The following OR52E5 variants were observed in gnomAD, a reference collection of about 807,000 sequenced individuals.
The protein encoded by OR52E5 is olfactory receptor family 52 subfamily E member 5, also known as olfactory receptor 52E5.
chr11:5,893,562 A>C (rs555535781), intron 1 of OR52E5, among the ~76,000 whole-genome samples: 1 of 148,724 alleles, frequency 6.7e-6, no homozygotes, highest in East Asian at 2.0e-4. Flanking sequence ...TTTTAAAATT[A>C]AAAAAAAAAG....
chr11:5,893,807 A>AC (rs1847136917), intron 1 of OR52E5, among the ~76,000 whole-genome samples: 1 of 151,352 alleles, frequency 6.6e-6, no homozygotes, highest in African/African-American at 2.4e-5. Context: ...ATAGAAATAC[A>AC]AAAAAAATAA....
chr11:5,895,278 TG>T (rs1847158547), intron 1 of OR52E5, among the ~76,000 whole-genome samples: 1 of 152,178 alleles, frequency 6.6e-6, no homozygotes, highest in Non-Finnish European at 1.5e-5. Flanking sequence ...TGTCTTAAGG[TG>T]AAAAATAATA....
At chr11:5,894,126 A>T (rs542583154) in intron 1 of OR52E5, among the ~76,000 whole-genome samples, 8 of 152,292 alleles carry the variant, frequency 5.3e-5, no homozygotes, top group East Asian at 1.9e-4. Flanking sequence ...TCCTGGCATT[A>T]AAAAAATCAT....
Position 5,900,993 on chromosome 11 carries a change from C to A in OR52E5, c.217C>A (p.Leu73Met). The A allele has an allele frequency of 2.5e-6, 1 of 402,062 alleles. No individual in the cohort carries two copies. The highest frequency in any genetic ancestry group is 1.3e-4 in the South Asian group (1 of 7,948). 24.9% of individuals were successfully genotyped at this position (402,062 alleles called of 1,614,324 possible). A position where few individuals can be genotyped will look rare whatever the true frequency, so the allele number is the denominator to read the frequency against. ...CCTAGCCATGTTGGCCGGCACTGAT[C>A]TGGGCTTGTCTACAGCAACCATCCC... is the stretch of plus-strand genomic sequence containing the variant. ...YFLAMLAGTD[L>M]GLSTATIPKM... is the part of the protein sequence containing the mutation. The change falls in exon 3 of 3, where the codon CTG (leucine) becomes ATG (methionine). Residue 73 changes from leucine to methionine, a missense_variant. Coordinates refer to ENST00000610445, the MANE Select transcript of OR52E5 (RefSeq NM_001005166.5).
chr11:5,897,056 A>C (rs936887914), intron 2 of OR52E5, among the ~76,000 whole-genome samples: 1 of 152,234 alleles, frequency 6.6e-6, no homozygotes, highest in Non-Finnish European at 1.5e-5. Flanking sequence ...ATAGATGTAA[A>C]TAGAAAGATA....
rs1847258490 is a variant in OR52E5 at position 5,901,767 on chromosome 11, C to A, written c.*7C>A. 2.5e-6 allele frequency: 1 copy of A among 400,378 alleles called. No individual in the cohort carries two copies. Among genetic ancestry groups the A allele is most frequent in the Middle Eastern group, 3.4e-4 (1 of 2,934 alleles). The allele number at this position is 400,378 out of a possible 1,614,324, so 24.8% of individuals were successfully genotyped here. A position where few individuals can be genotyped will look rare whatever the true frequency, so the allele number is the denominator to read the frequency against. The stretch of plus-strand genomic sequence containing the variant: ...CAATTCAGTTAGACAATAATGAGAT[C>A]ATAACAAAATAAACACTGGAAACAT... On this transcript the variant is annotated 3_prime_UTR_variant, in exon 3 of 3. Coordinates refer to ENST00000610445, the MANE Select transcript of OR52E5 (RefSeq NM_001005166.5).
At chr11:5,894,479 G>C (rs1396283911) in intron 1 of OR52E5, among the ~76,000 whole-genome samples, 1 of 152,100 alleles carries the variant, frequency 6.6e-6, no homozygotes, top group Non-Finnish European at 1.5e-5. Context: ...GATTGAGGCA[G>C]GCTATGTAGA....
At chr11:5,899,469 A>G (rs568536676) in intron 2 of OR52E5, among the ~76,000 whole-genome samples, 1 of 152,338 alleles carries the variant, frequency 6.6e-6, no homozygotes, top group Admixed American at 6.5e-5. Flanking sequence ...ATACCACTAT[A>G]CTTCCAAAGC....
At chr11:5,895,498 CAAACA>C (rs1372731940) in intron 1 of OR52E5, 129 bp from the exon 2 acceptor site, 2 of 152,098 alleles carry the variant, frequency 1.3e-5, no homozygotes, top group Non-Finnish European at 2.9e-5. Flanking sequence ...AATTTTTCTG[CAAACA>C]AAATTCTCTA....
At chr11:5,895,042 G>A (rs1265256607) in intron 1 of OR52E5, among the ~76,000 whole-genome samples, 1 of 151,992 alleles carries the variant, frequency 6.6e-6, no homozygotes, top group Non-Finnish European at 1.5e-5. Flanking sequence ...AGAAAAGATT[G>A]CTTTAGACTT....
At chr11:5,894,088 C>T (rs889733301) in intron 1 of OR52E5, among the ~76,000 whole-genome samples, 1 of 152,038 alleles carries the variant, frequency 6.6e-6, no homozygotes, top group East Asian at 1.9e-4. Context: ...TTATTATTTG[C>T]ACTCAACTTT....
chr11:5,897,791 C>T (rs1167628888), intron 2 of OR52E5, among the ~76,000 whole-genome samples: 1 of 152,058 alleles, frequency 6.6e-6, no homozygotes, highest in African/African-American at 2.4e-5. Flanking sequence ...GTTATTTTTT[C>T]ACTTTTTAAT....
intron 2 of OR52E5, among the ~76,000 whole-genome samples, chr11:5,896,942 T>C (rs1030625986): frequency 3.9e-5 from 6 of 152,236 alleles, no homozygotes; most frequent in Admixed American, 2.6e-4. Context: ...GCACATAATG[T>C]CAGCTAGACG....
chr11:5,897,515 T>C (rs1228366187), intron 2 of OR52E5, among the ~76,000 whole-genome samples: 1 of 152,244 alleles, frequency 6.6e-6, no homozygotes, highest in Admixed American at 6.5e-5. Flanking sequence ...CACATTTTAT[T>C]TACCCAATCT....
At chr11:5,893,549 G>C (rs1346889809) in intron 1 of OR52E5, among the ~76,000 whole-genome samples, 1 of 151,894 alleles carries the variant, frequency 6.6e-6, no homozygotes, top group Admixed American at 6.6e-5. Context: ...AGAAGGATAA[G>C]TGTTTTAAAA....
intron 2 of OR52E5, among the ~76,000 whole-genome samples, chr11:5,897,623 C>T (rs1847193386): frequency 6.6e-6 from 1 of 152,082 alleles, no homozygotes; most frequent in Admixed American, 6.6e-5. Context: ...AGTCCATTTT[C>T]CTTTGGGTAG....
rs144472503 is a variant in OR52E5, at chr11:5,899,966, A to C, written c.-145-666A>C. ...AAGTATCTGACCTCAGTATCTTTTAAAAAGATAGAGACAATTACACTGCCA... is the reference window on the plus strand; with the variant it reads ...AAGTATCTGACCTCAGTATCTTTTACAAAGATAGAGACAATTACACTGCCA... On this transcript the variant is annotated intron_variant, in intron 2 of 2. Coordinates refer to ENST00000610445, the MANE Select transcript of OR52E5 (RefSeq NM_001005166.5). Among the ~76,000 whole-genome samples, 345 of 152,308 alleles carry C rather than the reference A, an allele frequency of 2.3e-3. 1 individual carries two copies. The highest frequency in any genetic ancestry group is 8.1e-3 in the African/African-American group (335 of 41,564).
At chr11:5,898,979 C>T (rs1847213727) in intron 2 of OR52E5, among the ~76,000 whole-genome samples, 1 of 151,994 alleles carries the variant, frequency 6.6e-6, no homozygotes, top group African/African-American at 2.4e-5. Flanking sequence ...GAAAAAATGG[C>T]TTTGGGAATT....
chr11:5,899,623 T>C (rs981845802), intron 2 of OR52E5, among the ~76,000 whole-genome samples: 10 of 152,164 alleles, frequency 6.6e-5, no homozygotes, highest in African/African-American at 2.4e-4. Context: ...ACTGCCCGAA[T>C]CTGACTAACC....
Sources: gnomAD v4.1 joint callset for allele counts (sites outside exome capture counted in the v4.1 genomes callset) on GRCh38, gnomAD v4.1.1 for gene constraint, MANE v1.5 for transcripts, NCBI Gene and HGNC (gene_info 2026-07-23, HGNC 2026-07-21) for gene names.